NAALADL2: variants seen among roughly 807,000 people sequenced by gnomAD.
NAALADL2 encodes N-acetylated alpha-linked acidic dipeptidase like 2.
NAALADL2 carries 76 observed loss-of-function variants against 87.2 expected under a neutral mutation model. The ratio of observed to expected loss-of-function variants is 0.87; its 90% confidence interval spans 0.72 to 1.05. The LOEUF is 1.05. Ranked by LOEUF, NAALADL2 falls within the 50% of genes least tolerant of loss-of-function variation. NAALADL2 has a pLI of 0.00. For missense variants in NAALADL2, 1,089 were observed against 945.8 expected (o/e 1.15, Z -1.99); for synonymous variants, 354 against 331.0 (o/e 1.07, Z -0.75).
At chr3:175,491,921 A>G (rs763550647) in intron 9 of NAALADL2, among the ~76,000 whole-genome samples, 5 of 152,122 alleles carry the variant, frequency 3.3e-5, no homozygotes, top group Non-Finnish European at 5.9e-5. Context: ...TGCAAATGAA[A>G]CTCAAAAAAA....
intron 1 of NAALADL2, among the ~76,000 whole-genome samples, chr3:174,878,907 C>T (rs2109682053): frequency 6.6e-6 from 1 of 152,154 alleles, no homozygotes; most frequent in African/African-American, 2.4e-5. Context: ...ACCCAATATG[C>T]CGACGCCATG....
intron 1 of NAALADL2, among the ~76,000 whole-genome samples, chr3:174,915,944 C>T (rs879770764): frequency 1.3e-5 from 2 of 152,076 alleles, no homozygotes; most frequent in East Asian, 1.9e-4. Flanking sequence ...AGGCAACCCA[C>T]GTGTTGGAAG....
chr3:174,871,491 G>A (rs902369023), intron 1 of NAALADL2, among the ~76,000 whole-genome samples: 9 of 152,188 alleles, frequency 5.9e-5, no homozygotes, highest in Admixed American at 3.9e-4. Context: ...AAAAATGAAG[G>A]ATGAAGGATT....
chr3:175,038,380 T>A (rs1753669308), intron 1 of NAALADL2, among the ~76,000 whole-genome samples: 1 of 152,156 alleles, frequency 6.6e-6, no homozygotes, highest in Non-Finnish European at 1.5e-5. Context: ...ACCTAAGGCA[T>A]AAGCTTTTTG....
At chr3:175,101,939 ACCAT>A (rs146707240) in intron 2 of NAALADL2, among the ~76,000 whole-genome samples, 32,766 of 151,990 alleles carry the variant, frequency 0.22, 4,837 homozygotes, top group African/African-American at 0.42. Context: ...TAAAGTAAAA[ACCAT>A]CCATAATCCT....
chr3:175,592,905 A>T (rs1053981371), intron 10 of NAALADL2, among the ~76,000 whole-genome samples: 1 of 152,092 alleles, frequency 6.6e-6, no homozygotes, highest in Non-Finnish European at 1.5e-5. Context: ...TAAAATAAAA[A>T]AAAGAAAAAA....
intron 1 of NAALADL2, among the ~76,000 whole-genome samples, chr3:174,982,140 A>G (rs1047586824): frequency 3.3e-5 from 5 of 152,144 alleles, no homozygotes; most frequent in Admixed American, 6.5e-5. Context: ...CTTCAACAAC[A>G]TCAGTTCCAT....
chr3:175,657,986 G>T (rs140905703), intron 11 of NAALADL2, among the ~76,000 whole-genome samples: 3,571 of 150,960 alleles, frequency 0.024, 69 homozygotes, highest in Non-Finnish European at 0.037. Context: ...AAGGAAAAAA[G>T]AATATGTATA....
At chr3:174,648,304 C>A (rs1236212145) in intron 2 of NAALADL2, among the ~76,000 whole-genome samples, 4 of 147,396 alleles carry the variant, frequency 2.7e-5, no homozygotes, top group African/African-American at 1.0e-4. Flanking sequence ...GCCTGGGCAA[C>A]AAGAGTGAAA....
At position 175,793,659 on chromosome 3, in the gene NAALADL2, T is replaced by C. The variant is rs1576851080; in HGVS notation, c.2190-9346T>C. On this transcript the variant is annotated intron_variant, in intron 13 of 13. Transcript: ENST00000454872. ...CATCTAATATAAATATAGAATAAAGTGAAAAATTTTATAAAACATAAAATT... is the reference window on the plus strand; with the variant it reads ...CATCTAATATAAATATAGAATAAAGCGAAAAATTTTATAAAACATAAAATT... Among the ~76,000 whole-genome samples, 3 of 152,192 alleles carry C rather than the reference T, an allele frequency of 2.0e-5. No individual in the cohort carries two copies. In the South Asian group the frequency reaches 6.2e-4, roughly 32 times the overall value.
At chr3:174,995,619 C>G (rs151055896) in intron 1 of NAALADL2, among the ~76,000 whole-genome samples, 2 of 151,818 alleles carry the variant, frequency 1.3e-5, no homozygotes, top group African/African-American at 4.8e-5. Flanking sequence ...TAATGAGTAA[C>G]GGAATTGTTC....
At chr3:174,568,320 G>A (rs1378529003) in intron 2 of NAALADL2, among the ~76,000 whole-genome samples, 2 of 151,748 alleles carry the variant, frequency 1.3e-5, no homozygotes, top group Non-Finnish European at 3.0e-5. Context: ...AGAAGTAAAA[G>A]AAAGTTTTGT....
chr3:174,703,243 G>A (rs1729725182), intron 2 of NAALADL2, among the ~76,000 whole-genome samples: 1 of 151,390 alleles, frequency 6.6e-6, no homozygotes, highest in South Asian at 2.1e-4. Context: ...GGGCTCAAGT[G>A]ATCCTTCCAC....
intron 2 of NAALADL2, among the ~76,000 whole-genome samples, chr3:175,191,156 T>C (rs6765035): frequency 0.022 from 3,330 of 152,240 alleles, 112 homozygotes; most frequent in African/African-American, 0.075. Context: ...GGGCTAACTA[T>C]GTGAGATGAT....
chr3:174,794,910 G>A (rs554417088), intron 3 of NAALADL2, among the ~76,000 whole-genome samples: 1 of 143,936 alleles, frequency 6.9e-6, no homozygotes, highest in East Asian at 2.2e-4. Context: ...CAATGTACTT[G>A]CAAAAGACAA....
chr3:175,117,134 T>C (rs1725370316), intron 2 of NAALADL2, among the ~76,000 whole-genome samples: 1 of 152,040 alleles, frequency 6.6e-6, no homozygotes, highest in African/African-American at 2.4e-5. Context: ...AAGACTTAAA[T>C]ATTAGACCTA....
chr3:174,805,529 T>C (rs1719367162), intron 3 of NAALADL2, among the ~76,000 whole-genome samples: 2 of 152,182 alleles, frequency 1.3e-5, no homozygotes, highest in Admixed American at 1.3e-4. Context: ...TAAAAATCTT[T>C]TCTTGTTTCA....
At position 175,652,130 on chromosome 3, in the gene NAALADL2, A is replaced by G. The variant is rs114561859; in HGVS notation, c.1896+24744A>G. 7.0e-3 allele frequency among the ~76,000 whole-genome samples: 1,073 copies of G among 152,294 alleles called. 12 individuals are homozygous for G. The highest frequency in any genetic ancestry group is 0.025 in the African/African-American group (1,020 of 41,548). On this transcript the variant is annotated intron_variant, in intron 11 of 13. Coordinates refer to ENST00000454872, the MANE Select transcript of NAALADL2 (RefSeq NM_207015.3). ...CCACAAAATGAAGATAATTCTGTTAACTTCTCTTATACCTAAGAGCATTTT... is the reference window on the plus strand; with the variant it reads ...CCACAAAATGAAGATAATTCTGTTAGCTTCTCTTATACCTAAGAGCATTTT...
rs191326185 is a variant in NAALADL2, at chr3:175,391,781, T to C, written c.1091-55448T>C. The stretch of plus-strand genomic sequence containing the variant: ...TGCACATACTAAGGCAGGATCTTTT[T>C]CTGAATCATTTCTTTATTCCCCAAA... On this transcript the variant is annotated intron_variant, in intron 5 of 13. Transcript: ENST00000454872. Among the ~76,000 whole-genome samples the C allele has an allele frequency of 3.9e-3, 596 of 152,306 alleles. 2 individuals carry two copies. The highest frequency in any genetic ancestry group is 7.1e-3 in the East Asian group (37 of 5,186).
Sources: allele counts gnomAD v4.1 joint callset (sites outside exome capture counted in the v4.1 genomes callset), GRCh38; gene constraint gnomAD v4.1.1; transcripts MANE v1.5; gene names NCBI Gene and HGNC (gene_info 2026-07-23, HGNC 2026-07-21).